FCGRT: variants seen among roughly 807,000 people sequenced by gnomAD.
FCGRT encodes the protein IgG receptor FcRn large subunit p51.
A neutral mutation model predicts 35.7 loss-of-function variants in FCGRT; 13 were observed. The observed-to-expected ratio is 0.36, with a 90% CI of 0.24 to 0.58. The LOEUF (loss-of-function observed/expected upper bound fraction) is 0.58, where lower values mean the gene tolerates loss of function less well. Among genes scored for constraint, FCGRT ranks in the 20% least tolerant of loss-of-function variants. The pLI, the probability that FCGRT is intolerant of heterozygous loss-of-function variation, is 0.77. For missense variants in FCGRT, 455 were observed against 474.9 expected, an observed-to-expected ratio of 0.96 and a Z score of 0.39; for synonymous variants, 233 against 216.5, an observed-to-expected ratio of 1.08 and a Z score of -0.67.
intron 1 of FCGRT, 109 bp from the exon 2 acceptor site, chr19:49,513,278 G>T: frequency 7.0e-6 from 3 of 429,818 alleles, no homozygotes; most frequent in East Asian, 3.6e-5. Context: ...TCTGGACCGA[G>T]CCCGCAGAGC....
intron 4 of FCGRT, among the ~76,000 whole-genome samples, chr19:49,522,061 A>T (rs1047105871): frequency 6.6e-6 from 1 of 151,790 alleles, no homozygotes; most frequent in South Asian, 2.1e-4. Flanking sequence ...TACATTTTAT[A>T]AAGTTTATGA....
At position 49,526,146 on chromosome 19, in the gene FCGRT, C is replaced by G; in HGVS notation, c.*27C>G. On this transcript the variant is annotated 3_prime_UTR_variant, in exon 7 of 7. Coordinates refer to ENST00000221466, the MANE Select transcript of FCGRT (RefSeq NM_001136019.3). ...CATCCGCCATTCCGACTGCTAAAAG[C>G]GAATGTAGTCAGGCCCCTTTCATGC... is the stretch of plus-strand genomic sequence containing the variant. 3 of 1,442,658 alleles carry G rather than the reference C, an allele frequency of 2.1e-6. No homozygotes were observed. Among genetic ancestry groups the G allele is most frequent in the Non-Finnish European group, 2.9e-6 (3 of 1,023,846 alleles). The allele number at this position is 1,442,658 out of a possible 1,614,324, so 89.4% of individuals were successfully genotyped here.
At chr19:49,515,946 G>A (rs553701479) in intron 4 of FCGRT, among the ~76,000 whole-genome samples, 21 of 152,232 alleles carry the variant, frequency 1.4e-4, no homozygotes, top group African/African-American at 4.8e-4. Context: ...CACTTCCTCT[G>A]AGAAGCCTTT....
intron 5 of FCGRT, 172 bp downstream of exon 5, chr19:49,524,948 A>G (rs775637030): frequency 1.4e-6 from 1 of 728,720 alleles, no homozygotes; most frequent in South Asian, 1.5e-5. Context: ...TGTCCTTCCC[A>G]AGGCCAACTG....
At chr19:49,516,457 T>C (rs1346270250) in intron 4 of FCGRT, among the ~76,000 whole-genome samples, 1 of 151,382 alleles carries the variant, frequency 6.6e-6, no homozygotes, top group Non-Finnish European at 1.5e-5. Flanking sequence ...TTTACCATGT[T>C]GGCCGGGATG....
intron 4 of FCGRT, chr19:49,521,157 C>G (rs1024050172): frequency 2.6e-5 from 4 of 152,258 alleles, no homozygotes; most frequent in Non-Finnish European, 5.9e-5. Context: ...CTCCCAAGCT[C>G]AAGAGATCCT....
chr19:49,516,098 C>T (rs764798918), intron 4 of FCGRT: 16 of 441,324 alleles, frequency 3.6e-5, no homozygotes, highest in South Asian at 1.6e-4. Flanking sequence ...ACACATTCAC[C>T]CTCTGTGGCT....
rs758353598 is a variant in FCGRT, at chr19:49,526,168, A to G, written c.*49A>G. 6 of 1,213,068 alleles carry G rather than the reference A, an allele frequency of 4.9e-6. No homozygotes were observed. Among genetic ancestry groups the G allele is most frequent in the South Asian group, 2.4e-5 (2 of 82,020 alleles). The allele number at this position is 1,213,068 out of a possible 1,614,324, so 75.1% of individuals were successfully genotyped here. A position where few individuals can be genotyped will look rare whatever the true frequency, so the allele number is the denominator to read the frequency against. On this transcript the variant is annotated 3_prime_UTR_variant, in exon 7 of 7. Coordinates refer to ENST00000221466, the MANE Select transcript of FCGRT (RefSeq NM_001136019.3). ...AAGCGAATGTAGTCAGGCCCCTTTC[A>G]TGCTGTGAGACCTCCTGGAACACTG...
At chr19:49,513,638 G>A in intron 2 of FCGRT, 165 bp downstream of exon 2, 1 of 458,766 alleles carries the variant, frequency 2.2e-6, no homozygotes, top group Non-Finnish European at 3.7e-6. Flanking sequence ...CTGAGGCTGG[G>A]AACCACCTGT....
At chr19:49,525,799 CAGAG>C (rs1307194907) in intron 6 of FCGRT, among the ~76,000 whole-genome samples, 3 of 145,054 alleles carry the variant, frequency 2.1e-5, no homozygotes, top group Admixed American at 1.4e-4. Flanking sequence ...GAGGTGCGGA[CAGAG>C]GGAGGGGGAG....
chr19:49,519,935 A>G (rs1230048265), intron 4 of FCGRT, among the ~76,000 whole-genome samples: 1 of 144,594 alleles, frequency 6.9e-6, no homozygotes, highest in Admixed American at 7.3e-5. Context: ...GGTTCAAGCG[A>G]TTCTGCTGCC....
At chr19:49,525,403 G>T in intron 5 of FCGRT, 54 bp from the exon 6 acceptor site, 1 of 1,336,672 alleles carries the variant, frequency 7.5e-7, no homozygotes, top group Non-Finnish European at 1.1e-6. Flanking sequence ...TCTGTGTCCT[G>T]ACTGGGTGGG....
chr19:49,518,877 C>G (rs1039189144), intron 4 of FCGRT, among the ~76,000 whole-genome samples: 1 of 148,552 alleles, frequency 6.7e-6, no homozygotes, highest in African/African-American at 2.5e-5. Context: ...GAGTCTCGCT[C>G]TGTCACCCAG....
chr19:49,526,410 G>A lies in FCGRT; in HGVS notation c.*291G>A. The A allele has an allele frequency of 2.2e-6, 1 of 448,100 alleles. No individual in the cohort carries two copies. The allele number at this position is 448,100 out of a possible 1,614,324, so 27.8% of individuals were successfully genotyped here. On this transcript the variant is annotated 3_prime_UTR_variant, in exon 7 of 7. Transcript: ENST00000221466. ...GGGACTGAATGGCGGCTGGGCCTCG[G>A]ATCTCTCCTACAGGTAACATGCTGC...
intron 4 of FCGRT, among the ~76,000 whole-genome samples, chr19:49,517,721 G>A (rs184575258): frequency 1.3e-5 from 2 of 152,168 alleles, no homozygotes; most frequent in Non-Finnish European, 2.9e-5. Flanking sequence ...TTTTGAGATG[G>A]AGTCTCACTC....
intron 6 of FCGRT, among the ~76,000 whole-genome samples, 167 bp downstream of exon 6, chr19:49,525,740 G>A (rs77741672): frequency 3.0e-4 from 45 of 151,538 alleles, no homozygotes; most frequent in African/African-American, 9.9e-4. Flanking sequence ...GAGGGGGACG[G>A]AGACAGAGAC....
intron 4 of FCGRT, among the ~76,000 whole-genome samples, chr19:49,515,910 T>C (rs1438261288): frequency 6.6e-6 from 1 of 152,176 alleles, no homozygotes; most frequent in Non-Finnish European, 1.5e-5. Flanking sequence ...CAGCCCTCCT[T>C]ATTCTTCAAG....
intron 1 of FCGRT, chr19:49,513,175 T>A: frequency 2.8e-6 from 1 of 356,676 alleles, no homozygotes; most frequent in Non-Finnish European, 5.0e-6. Context: ...GGGCCGGGAC[T>A]CTCAGCCTAT....
chr19:49,524,082 G>A (rs1445134075), intron 4 of FCGRT, among the ~76,000 whole-genome samples: 1 of 150,164 alleles, frequency 6.7e-6, no homozygotes, highest in Non-Finnish European at 1.5e-5. Context: ...GCAGTGGCAC[G>A]ATCCTGGCTC....
Sources: gnomAD v4.1 joint callset for allele counts (sites outside exome capture counted in the v4.1 genomes callset) on GRCh38, gnomAD v4.1.1 for gene constraint, MANE v1.5 for transcripts, NCBI Gene and HGNC (gene_info 2026-07-23, HGNC 2026-07-21) for gene names.